CDH13: variants seen among roughly 807,000 people sequenced by gnomAD.
CDH13 encodes cadherin 13.
A neutral mutation model predicts 63.8 loss-of-function variants in CDH13; 24 were observed. The observed-to-expected ratio is 0.38, with a 90% CI of 0.27 to 0.53. The LOEUF is 0.53. Ranked by LOEUF, CDH13 falls within the 20% of genes least tolerant of loss-of-function variation. The pLI is 0.85. For missense variants in CDH13, 1,049 were observed against 903.1 expected, an observed-to-expected ratio of 1.16 and a Z score of -2.07; for synonymous variants, 503 against 355.3, an observed-to-expected ratio of 1.42 and a Z score of -4.67.
At chr16:83,470,997 C>T (rs2073437871) in intron 6 of CDH13, among the ~76,000 whole-genome samples, 3 of 152,098 alleles carry the variant, frequency 2.0e-5, no homozygotes, top group Admixed American at 6.5e-5. Flanking sequence ...TGGCTCCTGA[C>T]GCCTTCCTTG....
intron 1 of CDH13, chr16:82,705,265 C>T (rs1353987235): frequency 1.4e-5 from 6 of 422,638 alleles, no homozygotes; most frequent in African/African-American, 6.2e-5. Flanking sequence ...CAAGAGACCA[C>T]GTTGGACAGG....
chr16:83,515,248 A>T (rs1270756590), intron 7 of CDH13, among the ~76,000 whole-genome samples: 1 of 152,158 alleles, frequency 6.6e-6, no homozygotes, highest in Non-Finnish European at 1.5e-5. Context: ...CTCCAAACCA[A>T]CCCTGAGCCT....
At chr16:82,812,515 C>T (rs1324350582) in intron 1 of CDH13, among the ~76,000 whole-genome samples, 5 of 151,972 alleles carry the variant, frequency 3.3e-5, no homozygotes, top group Non-Finnish European at 7.4e-5. Flanking sequence ...GGAAGACAAG[C>T]AGAGAGGGTG....
intron 1 of CDH13, among the ~76,000 whole-genome samples, chr16:82,684,918 C>T (rs1428152956): frequency 6.6e-6 from 1 of 151,274 alleles, no homozygotes; most frequent in Non-Finnish European, 1.5e-5. Flanking sequence ...ATATAAATCA[C>T]ATTTAAGTAG....
At position 83,323,187 on chromosome 16, in the gene CDH13, T is replaced by TTTC. The variant is rs1193833415; in HGVS notation, c.637-21672_637-21670dup. On this transcript the variant is annotated intron_variant, in intron 5 of 13. Transcript: ENST00000567109. ...TTTCTCTTTCTTTTTTCTTTCTTTCTTTCTTTCTTTCTTTCTTTCTTTCTT... is the reference window on the plus strand; with the variant it reads ...TTTCTCTTTCTTTTTTCTTTCTTTCTTTCTTCTTTCTTTCTTTCTTTCTTTCTT... Among the ~76,000 whole-genome samples the TTTC allele has an allele frequency of 3.9e-5, 4 of 101,440 alleles. No homozygotes were observed. The East Asian group carries it at 1.1e-3, about 27-fold the overall frequency. 66.5% of individuals were successfully genotyped at this position (101,440 alleles called of 152,430 possible). A position where few individuals can be genotyped will look rare whatever the true frequency, so the allele number is the denominator to read the frequency against.
intron 7 of CDH13, among the ~76,000 whole-genome samples, chr16:83,509,064 A>G (rs1311154981): frequency 2.6e-5 from 4 of 152,116 alleles, no homozygotes; most frequent in Admixed American, 6.6e-5. Flanking sequence ...TCATTCCTCT[A>G]TTTGAAGCCA....
intron 3 of CDH13, among the ~76,000 whole-genome samples, chr16:83,123,790 T>G (rs1401746125): frequency 6.6e-6 from 1 of 152,176 alleles, no homozygotes; most frequent in African/African-American, 2.4e-5. Context: ...ATACTGTTTT[T>G]CATAGAGTTT....
intron 5 of CDH13, among the ~76,000 whole-genome samples, chr16:83,326,334 C>T (rs985824934): frequency 1.3e-5 from 2 of 151,854 alleles, no homozygotes; most frequent in African/African-American, 4.8e-5. Context: ...GGGGCATATT[C>T]TTTAAGGGGT....
Position 83,699,303 on chromosome 16 carries a change from G to A in CDH13, c.1538+20842G>A, listed in dbSNP as rs1455371293. Among the ~76,000 whole-genome samples, 7 of 152,196 alleles carry A rather than the reference G, an allele frequency of 4.6e-5. No homozygotes were observed. The East Asian group carries it at 1.3e-3, about 29-fold the overall frequency. ...GTCAACAAATCAAAATAATATTCCT[G>A]CATTTGTTCAACAAACAGCCACTGA... On this transcript the variant is annotated intron_variant, in intron 10 of 13. Transcript: ENST00000567109.
At chr16:83,340,665 C>G (rs1165403342) in intron 5 of CDH13, among the ~76,000 whole-genome samples, 1 of 152,176 alleles carries the variant, frequency 6.6e-6, no homozygotes, top group Non-Finnish European at 1.5e-5. Flanking sequence ...GCATTTCTAA[C>G]CAGCTCCTGG....
At chr16:83,674,468 C>G (rs899334828) in intron 9 of CDH13, among the ~76,000 whole-genome samples, 1 of 152,202 alleles carries the variant, frequency 6.6e-6, no homozygotes, top group Non-Finnish European at 1.5e-5. Context: ...GGTCCCCCGG[C>G]CAATTTCCCG....
chr16:82,892,321 G>A (rs1171355411), intron 2 of CDH13, among the ~76,000 whole-genome samples: 2 of 152,258 alleles, frequency 1.3e-5, no homozygotes, highest in South Asian at 4.2e-4. Context: ...ATTTGTGCCT[G>A]CATGCTCACA....
intron 7 of CDH13, among the ~76,000 whole-genome samples, chr16:83,540,664 C>G (rs2075281739): frequency 6.6e-6 from 1 of 152,206 alleles, no homozygotes; most frequent in Admixed American, 6.5e-5. Flanking sequence ...CTAATGACAT[C>G]TCAAGTAGTA....
At chr16:82,713,854 C>T (rs935073909) in intron 1 of CDH13, among the ~76,000 whole-genome samples, 2 of 144,892 alleles carry the variant, frequency 1.4e-5, no homozygotes, top group African/African-American at 2.5e-5. Context: ...TTCCCTTTAA[C>T]AGGGCTATTG....
intron 7 of CDH13, among the ~76,000 whole-genome samples, chr16:83,534,248 T>C (rs2075140830): frequency 6.6e-6 from 1 of 152,200 alleles, no homozygotes; most frequent in Non-Finnish European, 1.5e-5. Context: ...GGTCTGTTCA[T>C]GGTGGTTCAG....
At chr16:82,916,925 C>T (rs2042008257) in intron 2 of CDH13, among the ~76,000 whole-genome samples, 1 of 152,122 alleles carries the variant, frequency 6.6e-6, no homozygotes, top group Admixed American at 6.5e-5. Context: ...TAGTATGTAG[C>T]AAACTAAAAT....
chr16:83,090,578 A>AC (rs1555582881), intron 3 of CDH13, among the ~76,000 whole-genome samples: 2 of 146,812 alleles, frequency 1.4e-5, no homozygotes, highest in Non-Finnish European at 2.9e-5. Context: ...CATCTCAAAA[A>AC]AAAAAAAAAA....
At chr16:82,778,741 A>T (rs926770324) in intron 1 of CDH13, among the ~76,000 whole-genome samples, 1 of 152,186 alleles carries the variant, frequency 6.6e-6, no homozygotes, top group African/African-American at 2.4e-5. Context: ...CTCATTATGA[A>T]CAACAGCTTT....
intron 4 of CDH13, among the ~76,000 whole-genome samples, chr16:83,191,376 G>A (rs2038693202): frequency 6.8e-6 from 1 of 146,492 alleles, no homozygotes; most frequent in Non-Finnish European, 1.5e-5. Flanking sequence ...GAGGATAATA[G>A]AGCCACTCAT....
Sources: allele counts gnomAD v4.1 joint callset (sites outside exome capture counted in the v4.1 genomes callset), GRCh38; gene constraint gnomAD v4.1.1; transcripts MANE v1.5; gene names NCBI Gene and HGNC (gene_info 2026-07-23, HGNC 2026-07-21).